The following ASXL3 variants were observed in gnomAD, a reference collection of about 807,000 sequenced individuals.
The protein encoded by ASXL3 is putative Polycomb group protein ASXL3.
ASXL3 carries 34 observed loss-of-function variants against 170.6 expected under a neutral mutation model. The observed-to-expected ratio is 0.20, with a 90% CI of 0.15 to 0.27. ASXL3 has a LOEUF of 0.27. ASXL3 is among the 10% of genes least tolerant of loss of function. ASXL3 has a pLI of 1.00. For synonymous variants in ASXL3, 1,002 were observed against 989.1 expected (o/e 1.01, Z -0.24); for missense variants, 2,592 against 2,695.3 (o/e 0.96, Z 0.85).
chr18:33,668,895 A>AACAC (rs34048637), intron 5 of ASXL3, among the ~76,000 whole-genome samples: 75 of 150,938 alleles, frequency 5.0e-4, no homozygotes, highest in Non-Finnish European at 6.1e-4. Flanking sequence ...ACTCTAACCA[A>AACAC]ACACACACAC....
At chr18:33,584,369 T>C (rs937076635) in intron 1 of ASXL3, among the ~76,000 whole-genome samples, 5 of 152,062 alleles carry the variant, frequency 3.3e-5, no homozygotes, top group Non-Finnish European at 7.4e-5. Context: ...GGGGCTGTTG[T>C]AGTTAGGTGG....
rs1191145864 is a variant in ASXL3, at chr18:33,740,130, C to T, written c.2726C>T (p.Ser909Leu). The T allele has an allele frequency of 3.7e-6, 6 of 1,613,770 alleles. No homozygotes were observed. Among genetic ancestry groups the T allele is most frequent in the East Asian group, 4.5e-5 (2 of 44,888 alleles). The change falls in exon 11 of 12, where the codon TCA (serine) becomes TTA (leucine). Residue 909 changes from serine to leucine, a missense_variant. This residue lies in a region of ASXL3 where 2,246 missense variants were observed against 2,219.6 expected (regional missense o/e 1.01). Coordinates refer to ENST00000269197, the MANE Select transcript of ASXL3 (RefSeq NM_030632.3). ...SAKLQDKQYI[S>L]SVDKAPFSEG... is the part of the protein sequence containing the mutation. ...AAATTACAGGACAAGCAATATATCT[C>T]ATCAGTGGATAAGGCTCCATTTTCA...
intron 1 of ASXL3, among the ~76,000 whole-genome samples, chr18:33,606,956 T>C (rs537722914): frequency 5.9e-5 from 9 of 151,876 alleles, no homozygotes; most frequent in Non-Finnish European, 1.2e-4. Context: ...TCACAAAAGA[T>C]AAGTAGGGCA....
chr18:33,695,092 G>A (rs2066751107), intron 8 of ASXL3, among the ~76,000 whole-genome samples: 1 of 151,998 alleles, frequency 6.6e-6, no homozygotes, highest in South Asian at 2.1e-4. Flanking sequence ...TCTATGTACT[G>A]AATATATTGA....
intron 8 of ASXL3, among the ~76,000 whole-genome samples, chr18:33,693,376 A>G (rs983626614): frequency 7.9e-5 from 12 of 152,198 alleles, no homozygotes; most frequent in African/African-American, 2.9e-4. Flanking sequence ...ATACATAAGA[A>G]AGAATTGACT....
intron 1 of ASXL3, among the ~76,000 whole-genome samples, chr18:33,583,809 A>G (rs1339568782): frequency 6.6e-6 from 1 of 152,196 alleles, no homozygotes; most frequent in Non-Finnish European, 1.5e-5. Context: ...GAGGAATTGA[A>G]TTCAACATTT....
rs374674262 is a variant in ASXL3, at chr18:33,743,875, A to G, written c.4027A>G (p.Thr1343Ala). Residue 1343 changes from threonine (T) to alanine (A), a missense_variant, in exon 12 of 12, where the codon ACT becomes GCT. By Grantham distance (58) the Thr-to-Ala change is moderately conservative. This residue lies in a region of ASXL3 where 2,246 missense variants were observed against 2,219.6 expected (regional missense o/e 1.01). Transcript: ENST00000269197. ...LVSTQYTSVP[T>A]PSIGNNLPNL... ...CTCCACTCAGTACACCTCTGTGCCA[A>G]CTCCCTCCATCGGAAACAATTTGCC... 9 of 1,613,770 alleles carry G rather than the reference A, an allele frequency of 5.6e-6. No individual in the cohort carries two copies. Among genetic ancestry groups the G allele is most frequent in the Non-Finnish European group, 6.8e-6 (8 of 1,179,878 alleles).
intron 8 of ASXL3, among the ~76,000 whole-genome samples, chr18:33,689,080 G>A (rs1013059696): frequency 2.0e-5 from 3 of 151,626 alleles, no homozygotes; most frequent in Non-Finnish European, 4.4e-5. Flanking sequence ...AGCAACATCC[G>A]CCTCCCGGGT....
rs868365611 is a variant in ASXL3 at position 33,679,440 on chromosome 18, A to C, written c.716-3965A>C. On this transcript the variant is annotated intron_variant, in intron 7 of 11. Transcript: ENST00000269197. ...GTAAAATTTTATGTATTTATAAGTAAGATTGGCTAATACAGTCTCTCTCAT... is the reference window on the plus strand; with the variant it reads ...GTAAAATTTTATGTATTTATAAGTACGATTGGCTAATACAGTCTCTCTCAT... 5.3e-5 allele frequency among the ~76,000 whole-genome samples: 8 copies of C among 152,256 alleles called. No individual in the cohort carries two copies. In the South Asian group the frequency reaches 1.7e-3, roughly 32 times the overall value.
intron 8 of ASXL3, among the ~76,000 whole-genome samples, chr18:33,715,603 T>G (rs987324201): frequency 3.3e-5 from 5 of 152,168 alleles, no homozygotes; most frequent in Admixed American, 3.3e-4. Flanking sequence ...CTCTAAAACA[T>G]CATATTTGTG....
At position 33,743,855 on chromosome 18, in the gene ASXL3, C is replaced by A. The variant is rs776852292; in HGVS notation, c.4007C>A (p.Thr1336Asn). 2.5e-6 allele frequency: 4 copies of A among 1,614,054 alleles called. No homozygotes were observed. In the South Asian group the frequency reaches 4.4e-5, roughly 18 times the overall value. Residue 1336 changes from threonine (T) to asparagine (N), a missense_variant, in exon 12 of 12, where the codon ACT (threonine) becomes AAT (asparagine). Physicochemically the swap from Thr to Asn is moderately conservative, Grantham distance 65. Coordinates refer to ENST00000269197, the MANE Select transcript of ASXL3 (RefSeq NM_030632.3). ...AGCAGTGCTAGTAACTTAGTCTCCA[C>A]TCAGTACACCTCTGTGCCAACTCCC... Reference protein sequence around the residue: ...SSSSASNLVSTQYTSVPTPSI... With the variant: ...SSSSASNLVSNQYTSVPTPSI...
rs2066008535 is a variant in ASXL3, at chr18:33,652,136, A to T, written c.355+5783A>T. On this transcript the variant is annotated intron_variant, in intron 4 of 11. Transcript: ENST00000269197. ...ACCATTTATGCCTATGTAAGTATAA[A>T]TCTGTGCCACCCAAGTAAAATATTA... is the stretch of plus-strand genomic sequence containing the variant. Among the ~76,000 whole-genome samples the T allele has an allele frequency of 2.0e-5, 3 of 152,028 alleles. No homozygotes were observed. The South Asian group carries it at 6.2e-4, about 32-fold the overall frequency.
chr18:33,578,659 C>G lies in ASXL3; in HGVS notation c.28C>G (p.Arg10Gly). The G allele has an allele frequency of 7.4e-7, 1 of 1,357,016 alleles. No individual in the cohort carries two copies. Among genetic ancestry groups the G allele is most frequent in the Admixed American group, 2.2e-5 (1 of 46,234 alleles). 84.1% of individuals were successfully genotyped at this position (1,357,016 alleles called of 1,614,324 possible). MKDKRKKKD[R>G]TWAEAARLAL... ...GAAAGACAAGAGGAAGAAGAAGGAC[C>G]GCACCTGGGCCGAGGCTGCCCGCCT... The change falls in exon 1 of 12, where the codon CGC (arginine) becomes GGC (glycine). Residue 10 changes from arginine to glycine, a missense_variant. Arg to Gly is a moderately radical substitution (Grantham distance 125). This residue lies in a region of ASXL3 where 251 missense variants were observed against 281.9 expected (regional missense o/e 0.89). Transcript: ENST00000269197.
chr18:33,578,497 G>A lies in ASXL3; in HGVS notation c.-135G>A, dbSNP rs1318721944. ...CGCCGCCGCCGCCGCCGCCGCCGCC[G>A]CCACCGCCCGCGCGCCTCCCCCCGC... On this transcript the variant is annotated 5_prime_UTR_variant, in exon 1 of 12. Coordinates refer to ENST00000269197, the MANE Select transcript of ASXL3 (RefSeq NM_030632.3). The A allele has an allele frequency of 2.4e-4, 65 of 272,634 alleles. No individual in the cohort carries two copies. The highest frequency in any genetic ancestry group is 1.0e-3 in the African/African-American group (34 of 34,008). 16.9% of individuals were successfully genotyped at this position (272,634 alleles called of 1,614,324 possible). A position where few individuals can be genotyped will look rare whatever the true frequency, so the allele number is the denominator to read the frequency against.
At chr18:33,699,303 A>G (rs1000934438) in intron 8 of ASXL3, among the ~76,000 whole-genome samples, 3 of 152,234 alleles carry the variant, frequency 2.0e-5, no homozygotes, top group African/African-American at 7.2e-5. Flanking sequence ...TAAGGAATGT[A>G]TAATGACAGT....
chr18:33,588,217 G>T (rs2065049972), intron 1 of ASXL3, among the ~76,000 whole-genome samples: 1 of 152,026 alleles, frequency 6.6e-6, no homozygotes, highest in Non-Finnish European at 1.5e-5. Context: ...TTATGGGTTG[G>T]GGATGATACA....
chr18:33,594,107 C>T (rs553153875), intron 1 of ASXL3, among the ~76,000 whole-genome samples: 69 of 152,224 alleles, frequency 4.5e-4, no homozygotes, highest in African/African-American at 1.5e-3. Flanking sequence ...ATTGAGAAGA[C>T]GGATTCCTTG....
chr18:33,604,880 A>G (rs2065226908), intron 1 of ASXL3, among the ~76,000 whole-genome samples: 1 of 152,044 alleles, frequency 6.6e-6, no homozygotes, highest in African/African-American at 2.4e-5. Context: ...ATGTTGGGGA[A>G]ATAAGGCTTA....
intron 1 of ASXL3, among the ~76,000 whole-genome samples, chr18:33,584,017 C>T (rs554355388): frequency 6.6e-6 from 1 of 152,176 alleles, no homozygotes; most frequent in South Asian, 2.1e-4. Context: ...GTAGGTGACA[C>T]ATGAGTGATC....
Sources: gnomAD v4.1 joint callset for allele counts (sites outside exome capture counted in the v4.1 genomes callset) on GRCh38, gnomAD v4.1.1 for gene constraint, gnomAD v4.1.1 regional missense constraint, MANE v1.5 for transcripts, NCBI Gene and HGNC (gene_info 2026-07-23, HGNC 2026-07-21) for gene names.